RELN: variants seen among roughly 807,000 people sequenced by gnomAD.
The protein encoded by RELN is reelin.
In RELN, 108 loss-of-function variants were observed where a neutral mutation model predicts 427.6. The ratio of observed to expected loss-of-function variants is 0.25; its 90% confidence interval spans 0.22 to 0.30. RELN has a LOEUF of 0.30. Among genes scored for constraint, RELN ranks in the 10% least tolerant of loss-of-function variants. The pLI, the probability that RELN is intolerant of heterozygous loss-of-function variation, is 1.00. For missense variants in RELN, 3,715 were observed against 4,302.8 expected (o/e 0.86, Z 3.82); for synonymous variants, 1,524 against 1,513.4 (o/e 1.01, Z -0.16).
At chr7:103,773,820 G>A (rs1015714084) in intron 4 of RELN, among the ~76,000 whole-genome samples, 1 of 151,920 alleles carries the variant, frequency 6.6e-6, no homozygotes, top group African/African-American at 2.4e-5. Flanking sequence ...TACCTTCCTG[G>A]GATGCCTTTC....
At chr7:103,718,267 T>C (rs1471850694) in intron 8 of RELN, among the ~76,000 whole-genome samples, 1 of 147,232 alleles carries the variant, frequency 6.8e-6, no homozygotes, top group Non-Finnish European at 1.5e-5. Context: ...AATAAGTAAA[T>C]ATAAAGCATT....
intron 36 of RELN, among the ~76,000 whole-genome samples, chr7:103,560,919 A>T (rs996880401): frequency 6.6e-6 from 1 of 152,200 alleles, no homozygotes; most frequent in Non-Finnish European, 1.5e-5. Flanking sequence ...CAAAGATTTC[A>T]TTTGCACACC....
chr7:103,756,652 C>A (rs1271867663), intron 4 of RELN, among the ~76,000 whole-genome samples: 1 of 152,058 alleles, frequency 6.6e-6, no homozygotes, highest in African/African-American at 2.4e-5. Context: ...GTCCAAAAGT[C>A]CTTTATTATA....
chr7:103,982,730 A>G (rs1256404605), intron 1 of RELN, among the ~76,000 whole-genome samples: 2 of 151,928 alleles, frequency 1.3e-5, no homozygotes, highest in Non-Finnish European at 2.9e-5. Context: ...GTCTACTGTC[A>G]CTCCTTTTCA....
chr7:103,943,903 A>G (rs971499104), intron 1 of RELN, among the ~76,000 whole-genome samples: 4 of 151,314 alleles, frequency 2.6e-5, no homozygotes, highest in Non-Finnish European at 4.4e-5. Context: ...CACAACATCC[A>G]TAGATAACTG....
intron 1 of RELN, among the ~76,000 whole-genome samples, chr7:103,949,321 C>G (rs1457370141): frequency 1.3e-5 from 2 of 151,918 alleles, no homozygotes; most frequent in Admixed American, 1.3e-4. Context: ...TGTGCCTCCA[C>G]CACCAAATTT....
chr7:103,943,283 G>A (rs1796152641), intron 1 of RELN, among the ~76,000 whole-genome samples: 2 of 152,136 alleles, frequency 1.3e-5, no homozygotes, highest in Non-Finnish European at 2.9e-5. Flanking sequence ...GACACCACTT[G>A]TATTAAAATT....
chr7:103,546,944 A>G (rs1395791298), intron 41 of RELN, among the ~76,000 whole-genome samples: 1 of 152,192 alleles, frequency 6.6e-6, no homozygotes, highest in Non-Finnish European at 1.5e-5. Flanking sequence ...TTTCCTTTTG[A>G]ATTGTCCTAT....
intron 10 of RELN, among the ~76,000 whole-genome samples, chr7:103,693,394 A>G (rs1489919086): frequency 6.6e-6 from 1 of 151,988 alleles, no homozygotes; most frequent in African/African-American, 2.4e-5. Context: ...TACTTTATGC[A>G]TGTGGGGCTT....
chr7:103,882,374 A>G (rs1794626849), intron 2 of RELN, among the ~76,000 whole-genome samples: 1 of 152,084 alleles, frequency 6.6e-6, no homozygotes, highest in Non-Finnish European at 1.5e-5. Context: ...CATTCTCTAA[A>G]TCTCAGTTAT....
chr7:103,753,233 GAAGA>G lies in RELN; in HGVS notation c.545-23_545-20del, dbSNP rs771795340. On this transcript the variant is annotated intron_variant, in intron 4 of 64. Coordinates refer to ENST00000428762, the MANE Select transcript of RELN (RefSeq NM_005045.4). Reference sequence around the variant, plus strand: ...GTTGGAGCTGAATCAAGAGAGGAAAGAAGAAAGACAACTGATCAGGAATGAAAGC... The same window carrying G: ...GTTGGAGCTGAATCAAGAGAGGAAAGAAGACAACTGATCAGGAATGAAAGC... 2 of 1,613,766 alleles carry G rather than the reference GAAGA, an allele frequency of 1.2e-6. No homozygotes were observed. Among genetic ancestry groups the G allele is most frequent in the Non-Finnish European group, 1.7e-6 (2 of 1,179,836 alleles).
intron 2 of RELN, among the ~76,000 whole-genome samples, chr7:103,837,244 C>T (rs1248254321): frequency 1.3e-5 from 2 of 152,188 alleles, no homozygotes; most frequent in Admixed American, 6.5e-5. Context: ...CTCTAAAAGG[C>T]ATACATGATC....
intron 2 of RELN, among the ~76,000 whole-genome samples, chr7:103,864,299 A>T (rs187694183): frequency 6.6e-6 from 1 of 152,280 alleles, no homozygotes; most frequent in Admixed American, 6.5e-5. Flanking sequence ...TGTAGTAAGA[A>T]CACTTAATAC....
intron 1 of RELN, among the ~76,000 whole-genome samples, chr7:103,930,643 T>G (rs1795841244): frequency 6.6e-6 from 1 of 151,994 alleles, no homozygotes; most frequent in Admixed American, 6.6e-5. Flanking sequence ...TTTTAAAATT[T>G]TTCAGTATAG....
At chr7:103,729,343 A>G (rs988907860) in intron 6 of RELN, among the ~76,000 whole-genome samples, 1 of 152,186 alleles carries the variant, frequency 6.6e-6, no homozygotes, top group African/African-American at 2.4e-5. Context: ...GGAAGAAGAC[A>G]AAAGTGTGAA....
intron 28 of RELN, among the ~76,000 whole-genome samples, chr7:103,586,914 C>T (rs1166651763): frequency 6.6e-6 from 1 of 152,132 alleles, no homozygotes; most frequent in Non-Finnish European, 1.5e-5. Context: ...AAATCCTATG[C>T]TCATGGATTG....
chr7:103,616,586 C>T (rs1832084858), intron 20 of RELN, among the ~76,000 whole-genome samples: 1 of 152,064 alleles, frequency 6.6e-6, no homozygotes, highest in Admixed American at 6.6e-5. Context: ...GCAATTCCAC[C>T]TTCTAGAGAT....
chr7:103,778,907 T>A lies in RELN; in HGVS notation c.474-2280A>T, dbSNP rs2299385. 1.4e-4 allele frequency among the ~76,000 whole-genome samples: 21 copies of A among 152,314 alleles called. No individual in the cohort carries two copies. The East Asian group carries it at 4.1e-3, about 29-fold the overall frequency. On this transcript the variant is annotated intron_variant, in intron 3 of 64. Transcript: ENST00000428762. ...AATTACGGGGCTCCACACTACCTAT[T>A]TCCCAAATCTTGCTATCGTGCTTCT...
intron 25 of RELN, among the ~76,000 whole-genome samples, chr7:103,594,840 A>G (rs1831501813): frequency 6.6e-6 from 1 of 152,236 alleles, no homozygotes; most frequent in African/African-American, 2.4e-5. Flanking sequence ...ACATGAAGAT[A>G]ATATTTAACA....
Sources: gnomAD v4.1 joint callset for allele counts (sites outside exome capture counted in the v4.1 genomes callset) on GRCh38, gnomAD v4.1.1 for gene constraint, MANE v1.5 for transcripts, NCBI Gene and HGNC (gene_info 2026-07-23, HGNC 2026-07-21) for gene names.